Variants in SNTG1 observed in about 807,000 individuals in gnomAD.
SNTG1 encodes the protein syntrophin gamma 1, also known as gamma-1-syntrophin.
A neutral mutation model predicts 74.7 loss-of-function variants in SNTG1; 39 were observed. The observed-to-expected ratio is 0.52, with a 90% CI of 0.40 to 0.68. SNTG1 has a LOEUF of 0.68. Ranked by LOEUF, SNTG1 falls within the 30% of genes least tolerant of loss-of-function variation. The probability of loss-of-function intolerance (pLI) is 0.00; values close to 1 mark genes in which losing one functional copy is unlikely to be tolerated. For synonymous variants in SNTG1, 254 were observed against 217.1 expected, an observed-to-expected ratio of 1.17 and a Z score of -1.49; for missense variants, 685 against 609.5, an observed-to-expected ratio of 1.12 and a Z score of -1.30.
chr8:50,265,854 A>C (rs2087437600), intron 2 of SNTG1, among the ~76,000 whole-genome samples: 2 of 152,068 alleles, frequency 1.3e-5, no homozygotes, highest in African/African-American at 4.8e-5. Context: ...TATCAAAAAA[A>C]TGAAATACTT....
rs151120936 is a variant in SNTG1, at chr8:50,430,810, G to C, written c.163-7733G>C. ...AAGAATGACATGTTCTTACAACAGA[G>C]ATGGTAAATCAGGATGGTAAAGCAG... On this transcript the variant is annotated intron_variant, in intron 4 of 18. Coordinates refer to ENST00000642720, the MANE Select transcript of SNTG1 (RefSeq NM_018967.5). 5.6e-3 allele frequency among the ~76,000 whole-genome samples: 856 copies of C among 152,276 alleles called. 14 individuals are homozygous for C. Among genetic ancestry groups the C allele is most frequent in the Middle Eastern group, 0.014 (4 of 294 alleles).
chr8:49,930,192 G>T (rs940689664), intron 1 of SNTG1, among the ~76,000 whole-genome samples: 12 of 151,644 alleles, frequency 7.9e-5, no homozygotes, highest in Non-Finnish European at 1.3e-4. Flanking sequence ...ATCAAATTTT[G>T]AATTTAAAAC....
chr8:50,718,014 T>A (rs1181703109), intron 17 of SNTG1, among the ~76,000 whole-genome samples: 1 of 152,130 alleles, frequency 6.6e-6, no homozygotes, highest in Non-Finnish European at 1.5e-5. Flanking sequence ...CTTTTGGAGG[T>A]CTCTGTCCTT....
chr8:50,345,793 T>C (rs953171286), intron 2 of SNTG1, among the ~76,000 whole-genome samples: 1 of 152,232 alleles, frequency 6.6e-6, no homozygotes, highest in Non-Finnish European at 1.5e-5. Context: ...AAATTCAAAT[T>C]CTGAAATAAT....
intron 2 of SNTG1, among the ~76,000 whole-genome samples, chr8:50,350,567 C>A (rs2091625822): frequency 6.6e-6 from 1 of 151,080 alleles, no homozygotes; most frequent in African/African-American, 2.5e-5. Flanking sequence ...ACTTGGAGAA[C>A]CTTTATGTCT....
At position 50,035,800 on chromosome 8, in the gene SNTG1, G is replaced by A. The variant is rs372361592; in HGVS notation, c.-103+123569G>A. Among the ~76,000 whole-genome samples, 132 of 152,214 alleles carry A rather than the reference G, an allele frequency of 8.7e-4. 4 individuals are homozygous for A. The highest frequency in any genetic ancestry group is 3.0e-3 in the African/African-American group (124 of 41,524). ...TGAAGAGAGCATCTGGGACTGGACC[G>A]GAACACACAAATCCGACAGCATGGA... On this transcript the variant is annotated intron_variant, in intron 1 of 18. Coordinates refer to ENST00000642720, the MANE Select transcript of SNTG1 (RefSeq NM_018967.5).
chr8:50,450,979 T>C (rs1339532419), intron 8 of SNTG1, among the ~76,000 whole-genome samples: 2 of 152,160 alleles, frequency 1.3e-5, no homozygotes, highest in African/African-American at 4.8e-5. Context: ...AGTTTTTCTA[T>C]CTACCCCTAC....
chr8:50,036,293 C>T (rs1818160041), intron 1 of SNTG1, among the ~76,000 whole-genome samples: 1 of 152,130 alleles, frequency 6.6e-6, no homozygotes, highest in South Asian at 2.1e-4. Context: ...CTCTATGCAG[C>T]TCCTGCATAG....
chr8:50,730,955 T>C lies in SNTG1; in HGVS notation c.1285-21046T>C, dbSNP rs190606963. On this transcript the variant is annotated intron_variant, in intron 17 of 18. Coordinates refer to ENST00000642720, the MANE Select transcript of SNTG1 (RefSeq NM_018967.5). Reference sequence around the variant, plus strand: ...TGAGCATTATTATTTCACCCCTTTTTACACTCACCTTTAAAGTAGAATAGT... The same window carrying C: ...TGAGCATTATTATTTCACCCCTTTTCACACTCACCTTTAAAGTAGAATAGT... Among the ~76,000 whole-genome samples, 137 of 152,292 alleles carry C rather than the reference T, an allele frequency of 9.0e-4. 2 individuals carry two copies. Among genetic ancestry groups the C allele is most frequent in the Middle Eastern group, 6.8e-3 (2 of 294 alleles).
At chr8:49,937,321 G>A (rs1000707452) in intron 1 of SNTG1, among the ~76,000 whole-genome samples, 1 of 152,196 alleles carries the variant, frequency 6.6e-6, no homozygotes, top group African/African-American at 2.4e-5. Flanking sequence ...GGAAGAAGCA[G>A]GAACGTCAGG....
At chr8:50,410,850 C>G (rs2092939339) in intron 4 of SNTG1, among the ~76,000 whole-genome samples, 1 of 152,122 alleles carries the variant, frequency 6.6e-6, no homozygotes, top group South Asian at 2.1e-4. Flanking sequence ...TCCCTTCTTT[C>G]CTCTGGCTGC....
At chr8:50,290,612 G>A (rs2089041534) in intron 2 of SNTG1, among the ~76,000 whole-genome samples, 1 of 152,040 alleles carries the variant, frequency 6.6e-6, no homozygotes, top group South Asian at 2.1e-4. Flanking sequence ...CATTAGTATA[G>A]CACATATATT....
intron 2 of SNTG1, among the ~76,000 whole-genome samples, chr8:50,296,092 C>G (rs181075280): frequency 6.6e-6 from 1 of 151,954 alleles, no homozygotes; most frequent in Non-Finnish European, 1.5e-5. Flanking sequence ...CTCACAGCTC[C>G]CCAGGAGAGA....
At chr8:50,089,834 T>TGG (rs1316852417) in intron 1 of SNTG1, among the ~76,000 whole-genome samples, 2 of 152,128 alleles carry the variant, frequency 1.3e-5, no homozygotes, top group Admixed American at 6.5e-5. Context: ...TCAACCATTG[T>TGG]GGAAGTCAGT....
At chr8:50,018,382 T>C (rs1816526093) in intron 1 of SNTG1, among the ~76,000 whole-genome samples, 2 of 152,026 alleles carry the variant, frequency 1.3e-5, no homozygotes, top group South Asian at 4.1e-4. Context: ...AGTGCCAAGA[T>C]CATTCAATGG....
intron 1 of SNTG1, among the ~76,000 whole-genome samples, chr8:50,079,188 A>T (rs991917424): frequency 2.6e-5 from 4 of 152,188 alleles, no homozygotes; most frequent in African/African-American, 9.6e-5. Flanking sequence ...ATGTAAAAGC[A>T]TTCCTGTTCC....
chr8:50,125,037 G>A (rs184609079), intron 1 of SNTG1, among the ~76,000 whole-genome samples: 2 of 141,992 alleles, frequency 1.4e-5, no homozygotes, highest in African/African-American at 2.5e-5. Context: ...TGAAAGCACT[G>A]AGATTTCTGC....
intron 4 of SNTG1, among the ~76,000 whole-genome samples, chr8:50,410,184 C>T (rs1412227925): frequency 6.6e-6 from 1 of 152,056 alleles, no homozygotes; most frequent in African/African-American, 2.4e-5. Flanking sequence ...AAATGTGATC[C>T]AGAGAGAGAA....
intron 2 of SNTG1, among the ~76,000 whole-genome samples, chr8:50,379,516 G>A (rs905408451): frequency 1.3e-5 from 2 of 152,086 alleles, no homozygotes; most frequent in African/African-American, 4.8e-5. Context: ...AGCATGTGGG[G>A]AGCTCCCACC....
Sources: gnomAD v4.1 joint callset for allele counts (sites outside exome capture counted in the v4.1 genomes callset) on GRCh38, gnomAD v4.1.1 for gene constraint, MANE v1.5 for transcripts, NCBI Gene and HGNC (gene_info 2026-07-23, HGNC 2026-07-21) for gene names.